The following SYPL1 variants were observed in gnomAD, a reference collection of about 807,000 sequenced individuals.
SYPL1 encodes synaptophysin-like protein 1.
A neutral mutation model predicts 23.7 loss-of-function variants in SYPL1; 6 were observed. That is an observed-to-expected ratio of 0.25 (90% CI 0.14 to 0.50). SYPL1 has a LOEUF of 0.50. Ranked by LOEUF, SYPL1 falls within the 20% of genes least tolerant of loss-of-function variation. SYPL1 has a pLI of 0.98. For synonymous variants in SYPL1, 102 were observed against 104.5 expected (o/e 0.98, Z 0.15); for missense variants, 253 against 288.9 (o/e 0.88, Z 0.90).
chr7:106,102,453 G>T (rs1840378406), intron 1 of SYPL1, among the ~76,000 whole-genome samples: 1 of 152,158 alleles, frequency 6.6e-6, no homozygotes, highest in Non-Finnish European at 1.5e-5. Context: ...ATTCTCCGGG[G>T]GAAGCCAGTG....
rs924313548 is a variant in SYPL1, at chr7:106,100,109, G to A, written c.70-827C>T. On this transcript the variant is annotated intron_variant, in intron 1 of 4. Transcript: ENST00000455385. This position sits in a 1 kb window ranked among gnomAD's most constrained non-coding sequence, Gnocchi z 5.1. ...ACACAAGTTACCAGTAATTTGTAAA[G>A]CCAAGAGGTTGTCAGCAGAGAAGAG... Among the ~76,000 whole-genome samples, 4 of 152,166 alleles carry A rather than the reference G, an allele frequency of 2.6e-5. No individual in the cohort carries two copies. Among genetic ancestry groups the A allele is most frequent in the African/African-American group, 9.7e-5 (4 of 41,424 alleles).
At position 106,097,749 on chromosome 7, in the gene SYPL1, G is replaced by A. The variant is rs201681435; in HGVS notation, c.343C>T (p.Leu115Phe). Residue 115 changes from leucine (L) to phenylalanine (F), a missense_variant, in exon 3 of 5, where the codon CTT (leucine) becomes TTT (phenylalanine). By Grantham distance (22) the Leu-to-Phe change is conservative. Transcript: ENST00000455385. The surrounding 1 kb of genome is among the most constrained non-coding windows in gnomAD (Gnocchi z 4.6). ...VFVFLYCIAA[L>F]LLYVGYTSLY... Reference sequence around the variant, plus strand: ...CTCGTGTAGCCAACATAAAGCAGAAGGGCAGCAATGCAGTACAGGAACACA... The same window carrying A: ...CTCGTGTAGCCAACATAAAGCAGAAAGGCAGCAATGCAGTACAGGAACACA... The A allele has an allele frequency of 7.9e-5, 127 of 1,613,944 alleles. No individual in the cohort carries two copies. The highest frequency in any genetic ancestry group is 6.7e-5 in the East Asian group (3 of 44,856).
Position 106,091,864 on chromosome 7 carries a change from G to C in SYPL1, c.667C>G (p.Pro223Ala). Residue 223 changes from proline (P) to alanine (A), a missense_variant, in exon 5 of 5, where the codon CCA becomes GCA. Physicochemically the swap from Pro to Ala is conservative, Grantham distance 27. Coordinates refer to ENST00000455385, the MANE Select transcript of SYPL1 (RefSeq NM_182715.4). This position sits in a 1 kb window ranked among gnomAD's most constrained non-coding sequence, Gnocchi z 5.0. ...CTATGAGGGGCAGATGTATTTGATG[G>C]ACTGTGTAGGCTGGTCTCCTTGTAC... ...FVYKETSLHSPSNTSAPHSQG... is the reference protein window; with the variant it reads ...FVYKETSLHSASNTSAPHSQG... 1 of 1,613,740 alleles carries C rather than the reference G, an allele frequency of 6.2e-7. No individual in the cohort carries two copies. Among genetic ancestry groups the C allele is most frequent in the Non-Finnish European group, 8.5e-7 (1 of 1,179,804 alleles).
rs1004020937 is a variant in SYPL1 at position 106,100,322 on chromosome 7, C to CCATT, written c.70-1044_70-1041dup. ...GACAGGGAATCAAACTATAATTCATCCATTCATTCATTCATGCAATGAAAC... is the reference window on the plus strand; with the variant it reads ...GACAGGGAATCAAACTATAATTCATCCATTCATTCATTCATTCATGCAATGAAAC... On this transcript the variant is annotated intron_variant, in intron 1 of 4. Transcript: ENST00000455385. The surrounding 1 kb of genome is among the most constrained non-coding windows in gnomAD (Gnocchi z 5.1). Among the ~76,000 whole-genome samples the CCATT allele has an allele frequency of 6.6e-6, 1 of 152,118 alleles. No individual in the cohort carries two copies. The highest frequency in any genetic ancestry group is 2.4e-5 in the African/African-American group (1 of 41,418).
intron 1 of SYPL1, among the ~76,000 whole-genome samples, chr7:106,110,211 A>G (rs1790074187): frequency 6.6e-6 from 1 of 152,134 alleles, no homozygotes; most frequent in Non-Finnish European, 1.5e-5. Flanking sequence ...CCTCCAACCT[A>G]GCATATATTC....
rs1488484367 is a variant in SYPL1 at position 106,096,385 on chromosome 7, C to T, written c.402+1305G>A. ...TTAATAATCCTTCATATTTAAATAG[C>T]CTTCCCTTTAAAGTAACTTCACAAA... is the stretch of plus-strand genomic sequence containing the variant. On this transcript the variant is annotated intron_variant, in intron 3 of 4. Coordinates refer to ENST00000455385, the MANE Select transcript of SYPL1 (RefSeq NM_182715.4). This position sits in a 1 kb window ranked among gnomAD's most constrained non-coding sequence, Gnocchi z 4.4. The T allele has an allele frequency of 2.6e-5, 4 of 152,126 alleles. No homozygotes were observed. The highest frequency in any genetic ancestry group is 9.7e-5 in the African/African-American group (4 of 41,416). The allele number at this position is 152,126 out of a possible 1,614,324, so 9.4% of individuals were successfully genotyped here.
intron 1 of SYPL1, among the ~76,000 whole-genome samples, chr7:106,102,319 C>T (rs1159985664): frequency 6.6e-6 from 1 of 152,212 alleles, no homozygotes; most frequent in Non-Finnish European, 1.5e-5. Context: ...CAGTCTCGAG[C>T]TCCTGACCTC....
At chr7:106,110,419 A>G (rs1790084363) in intron 1 of SYPL1, among the ~76,000 whole-genome samples, 1 of 152,150 alleles carries the variant, frequency 6.6e-6, no homozygotes, top group Non-Finnish European at 1.5e-5. Context: ...TTCTTCTACT[A>G]TTCTTTGCAT....
At position 106,090,888 on chromosome 7, in the gene SYPL1, T is replaced by C. The variant is rs186145789; in HGVS notation, c.*917A>G. 1 of 152,342 alleles carries C rather than the reference T, an allele frequency of 6.6e-6. No homozygotes were observed. The allele number at this position is 152,342 out of a possible 1,614,324, so 9.4% of individuals were successfully genotyped here. On this transcript the variant is annotated 3_prime_UTR_variant, in exon 5 of 5. Coordinates refer to ENST00000455385, the MANE Select transcript of SYPL1 (RefSeq NM_182715.4). Reference sequence around the variant, plus strand: ...TGCTAAACTCAAAATAGCAACTTCATTGACTCTCAATGGTAAATTTCAAAC... The same window carrying C: ...TGCTAAACTCAAAATAGCAACTTCACTGACTCTCAATGGTAAATTTCAAAC...
At chr7:106,102,951 TA>T (rs1298108160) in intron 1 of SYPL1, among the ~76,000 whole-genome samples, 1 of 151,970 alleles carries the variant, frequency 6.6e-6, no homozygotes, top group African/African-American at 2.4e-5. Flanking sequence ...AAAAGAACCA[TA>T]AAAGATTGTT....
rs1839991395 is a variant in SYPL1 at position 106,095,812 on chromosome 7, TC to T, written c.402+1877del. ...ATCTCTTTATATGACCACTAATTGG[TC>T]ATTCTGAGGTGGAAAATTACTTTTT... is the stretch of plus-strand genomic sequence containing the variant. On this transcript the variant is annotated intron_variant, in intron 3 of 4. Coordinates refer to ENST00000455385, the MANE Select transcript of SYPL1 (RefSeq NM_182715.4). The surrounding 1 kb of genome is among the most constrained non-coding windows in gnomAD (Gnocchi z 4.3). 6.6e-6 allele frequency among the ~76,000 whole-genome samples: 1 copy of T among 152,194 alleles called. No individual in the cohort carries two copies. Among genetic ancestry groups the T allele is most frequent in the Non-Finnish European group, 1.5e-5 (1 of 68,030 alleles).
In SYPL1 at chr7:106,109,009, A is replaced by G. The variant is rs1383891654; in HGVS notation, c.69+3131T>C. Among the ~76,000 whole-genome samples, 3 of 152,252 alleles carry G rather than the reference A, an allele frequency of 2.0e-5. No individual in the cohort carries two copies. Among genetic ancestry groups the G allele is most frequent in the African/African-American group, 7.2e-5 (3 of 41,474 alleles). ...GAATACCAAACTCTATTTCACTGCCACATACTTGCAGTTAAAAACAAAAAA... is the reference window on the plus strand; with the variant it reads ...GAATACCAAACTCTATTTCACTGCCGCATACTTGCAGTTAAAAACAAAAAA... On this transcript the variant is annotated intron_variant, in intron 1 of 4. Coordinates refer to ENST00000455385, the MANE Select transcript of SYPL1 (RefSeq NM_182715.4). The surrounding 1 kb of genome is among the most constrained non-coding windows in gnomAD (Gnocchi z 4.3).
At position 106,100,635 on chromosome 7, in the gene SYPL1, G is replaced by A. The variant is rs539925353; in HGVS notation, c.70-1353C>T. Among the ~76,000 whole-genome samples the A allele has an allele frequency of 1.3e-5, 2 of 152,206 alleles. No individual in the cohort carries two copies. The highest frequency in any genetic ancestry group is 3.9e-4 in the East Asian group (2 of 5,182). On this transcript the variant is annotated intron_variant, in intron 1 of 4. Transcript: ENST00000455385. The surrounding 1 kb of genome is among the most constrained non-coding windows in gnomAD (Gnocchi z 5.1). ...ATGGCTCTATTTTCAAAATACATTT[G>A]CAATCTGACCACTTGTACTGCCTCC...
rs923810704 is a variant in SYPL1, at chr7:106,104,248, A to G, written c.70-4966T>C. Among the ~76,000 whole-genome samples, 6 of 152,174 alleles carry G rather than the reference A, an allele frequency of 3.9e-5. 1 individual carries two copies. The highest frequency in any genetic ancestry group is 3.3e-4 in the Admixed American group (5 of 15,266). On this transcript the variant is annotated intron_variant, in intron 1 of 4. Transcript: ENST00000455385. This position sits in a 1 kb window ranked among gnomAD's most constrained non-coding sequence, Gnocchi z 4.1. ...ATTTTTCTTGTGTAACTTGCTTTCT[A>G]AAAAATAAAATGGGGCCGGGTGCAG...
chr7:106,108,847 T>G (rs974161906), intron 1 of SYPL1, among the ~76,000 whole-genome samples: 3 of 152,176 alleles, frequency 2.0e-5, no homozygotes, highest in Admixed American at 6.5e-5. Flanking sequence ...CCCAAGGCTC[T>G]TTCAGGAGTT....
intron 1 of SYPL1, among the ~76,000 whole-genome samples, chr7:106,108,070 C>T (rs1840704422): frequency 6.6e-6 from 1 of 152,008 alleles, no homozygotes; most frequent in African/African-American, 2.4e-5. Context: ...TGGCGAGCGC[C>T]TGTAATCCCA....
rs1397050706 is a variant in SYPL1 at position 106,109,034 on chromosome 7, A to G, written c.69+3106T>C. On this transcript the variant is annotated intron_variant, in intron 1 of 4. Coordinates refer to ENST00000455385, the MANE Select transcript of SYPL1 (RefSeq NM_182715.4). The surrounding 1 kb of genome is among the most constrained non-coding windows in gnomAD (Gnocchi z 4.3). ...ACATACTTGCAGTTAAAAACAAAAA[A>G]CCAAAAACAAAAAAGAACAAAAAAC... 6.6e-6 allele frequency among the ~76,000 whole-genome samples: 1 copy of G among 152,208 alleles called. No individual in the cohort carries two copies. Among genetic ancestry groups the G allele is most frequent in the African/African-American group, 2.4e-5 (1 of 41,444 alleles).
At chr7:106,092,048 C>T (rs558979274) in intron 4 of SYPL1, 109 bp from the exon 5 acceptor site, 36 of 1,086,048 alleles carry the variant, frequency 3.3e-5, no homozygotes, top group Non-Finnish European at 4.0e-5. Context: ...TTAGGAAGTA[C>T]GCCATTATTT....
intron 1 of SYPL1, among the ~76,000 whole-genome samples, chr7:106,099,982 C>T (rs1840229665): frequency 6.6e-6 from 1 of 152,184 alleles, no homozygotes; most frequent in Non-Finnish European, 1.5e-5. Flanking sequence ...TTCATTTGCT[C>T]ATACTTTAGT....
Sources: allele counts gnomAD v4.1 joint callset (sites outside exome capture counted in the v4.1 genomes callset), GRCh38; gene constraint gnomAD v4.1.1; non-coding constraint Gnocchi (gnomAD v3.1); transcripts MANE v1.5; gene names NCBI Gene and HGNC (gene_info 2026-07-23, HGNC 2026-07-21).